The following LVRN variants were observed in gnomAD, a reference collection of about 807,000 sequenced individuals.
LVRN encodes the protein aminopeptidase Q.
LVRN carries 99 observed loss-of-function variants against 111.4 expected under a neutral mutation model. The ratio of observed to expected loss-of-function variants is 0.89; its 90% CI spans 0.76 to 1.05. The LOEUF is 1.05. Among genes scored for constraint, LVRN ranks in the 50% least tolerant of loss-of-function variants. LVRN has a pLI of 0.00. For missense variants in LVRN, 1,414 were observed against 1,206.8 expected (o/e 1.17, Z -2.54); for synonymous variants, 488 against 449.5 (o/e 1.09, Z -1.08).
chr5:116,003,154 T>C (rs971873299), intron 11 of LVRN, 87 bp from the exon 12 acceptor site: 2 of 1,253,676 alleles, frequency 1.6e-6, no homozygotes, highest in African/African-American at 1.5e-5. Context: ...TGTTGGTTTA[T>C]TGTTTAGAAT....
intron 6 of LVRN, among the ~76,000 whole-genome samples, chr5:115,994,998 C>T (rs1349682614): frequency 6.6e-6 from 1 of 152,160 alleles, no homozygotes; most frequent in Non-Finnish European, 1.5e-5. Flanking sequence ...GTCCCCGTCT[C>T]ATCTCAGCTC....
chr5:116,016,276 A>G (rs1271852378), intron 18 of LVRN, among the ~76,000 whole-genome samples: 4 of 152,240 alleles, frequency 2.6e-5, no homozygotes, highest in Non-Finnish European at 5.9e-5. Context: ...AGTCAAAATG[A>G]CACAGGAATA....
chr5:115,992,305 C>A, intron 5 of LVRN, 28 bp downstream of exon 5: 1 of 1,612,464 alleles, frequency 6.2e-7, no homozygotes, highest in South Asian at 1.1e-5. Flanking sequence ...CTTTTTATTT[C>A]ACTTGAAGTT....
At chr5:116,014,775 A>G (rs1371632821) in intron 16 of LVRN, among the ~76,000 whole-genome samples, 1 of 152,140 alleles carries the variant, frequency 6.6e-6, no homozygotes, top group Non-Finnish European at 1.5e-5. Context: ...CTCTTCCAAT[A>G]AGCACTTACT....
chr5:115,987,936 A>C lies in LVRN; in HGVS notation c.1102A>C (p.Thr368Pro). The part of the protein sequence containing the change: ...LFNISYSLPK[T>P]DIIALPSFDN... ...TAATATCAGTTACTCTCTTCCAAAAACAGGTGAGGTAATCTTTTCCTTTCA... is the reference window on the plus strand; with the variant it reads ...TAATATCAGTTACTCTCTTCCAAAACCAGGTGAGGTAATCTTTTCCTTTCA... The change falls in exon 4 of 20, where the codon ACA (threonine) becomes CCA (proline). Residue 368 changes from threonine (T) to proline (P), a missense_variant. Coordinates refer to ENST00000357872, the MANE Select transcript of LVRN (RefSeq NM_173800.5). 1.2e-6 allele frequency: 2 copies of C among 1,609,236 alleles called. No individual in the cohort carries two copies. Among genetic ancestry groups the C allele is most frequent in the Non-Finnish European group, 1.7e-6 (2 of 1,178,498 alleles).
In LVRN at chr5:115,987,915, A is replaced by G. The variant is rs1332745305; in HGVS notation, c.1081A>G (p.Ile361Val). The G allele has an allele frequency of 6.2e-7, 1 of 1,612,742 alleles. No individual in the cohort carries two copies. The highest frequency in any genetic ancestry group is 1.1e-5 in the South Asian group (1 of 90,894). The change falls in exon 4 of 20, where the codon ATC becomes GTC. Residue 361 changes from isoleucine (I) to valine (V), a missense_variant. Physicochemically the swap from Ile to Val is conservative, Grantham distance 29 (BLOSUM62 3). Coordinates refer to ENST00000357872, the MANE Select transcript of LVRN (RefSeq NM_173800.5). Reference sequence around the variant, plus strand: ...CTCTTTTCTGGAGGATTTGTTTAATATCAGTTACTCTCTTCCAAAAACAGG... The same window carrying G: ...CTCTTTTCTGGAGGATTTGTTTAATGTCAGTTACTCTCTTCCAAAAACAGG... ...IFSFLEDLFN[I>V]SYSLPKTDII...
chr5:115,984,717 A>G lies in LVRN; in HGVS notation c.978+8A>G, dbSNP rs1461492403. 6.8e-6 allele frequency: 11 copies of G among 1,613,326 alleles called. No individual in the cohort carries two copies. Among genetic ancestry groups the G allele is most frequent in the Non-Finnish European group, 9.3e-6 (11 of 1,179,600 alleles). On this transcript the variant is annotated splice_region_variant and intron_variant, in intron 3 of 19. Transcript: ENST00000357872. ...ACAGAAAGGGGCAAGGAGGTGAGTG[A>G]GGAAGATTCTGTAGGTAAGGGAGAT...
intron 1 of LVRN, among the ~76,000 whole-genome samples, chr5:115,967,481 T>C (rs10050703): frequency 0.13 from 19,985 of 152,244 alleles, 1,730 homozygotes; most frequent in African/African-American, 0.25. Flanking sequence ...TCCATCAACA[T>C]AGGTGTTGAT....
intron 13 of LVRN, 127 bp from the exon 14 acceptor site, chr5:116,010,614 C>A: frequency 1.0e-6 from 1 of 985,636 alleles, no homozygotes; most frequent in Non-Finnish European, 1.6e-6. Context: ...CATTTACCTT[C>A]TCGTTTCTTG....
intron 1 of LVRN, among the ~76,000 whole-genome samples, chr5:115,979,128 TG>T (rs1156735651): frequency 6.6e-6 from 1 of 152,112 alleles, no homozygotes; most frequent in Non-Finnish European, 1.5e-5. Context: ...TCACTTTGTA[TG>T]GTAGGGGACA....
intron 5 of LVRN, among the ~76,000 whole-genome samples, chr5:115,993,138 G>C (rs546246287): frequency 6.6e-6 from 1 of 151,316 alleles, no homozygotes; most frequent in Non-Finnish European, 1.5e-5. Flanking sequence ...CAGGGCTTGC[G>C]TTTGTTAGTT....
chr5:115,999,979 A>G, intron 7 of LVRN, 77 bp downstream of exon 7: 1 of 1,430,908 alleles, frequency 7.0e-7, no homozygotes, highest in Non-Finnish European at 9.5e-7. Flanking sequence ...AGGGTCCTAT[A>G]TCATCATACA....
chr5:116,015,006 A>G (rs1372427543), intron 16 of LVRN, among the ~76,000 whole-genome samples: 2 of 152,124 alleles, frequency 1.3e-5, no homozygotes, highest in Non-Finnish European at 2.9e-5. Flanking sequence ...ACCAACTTGT[A>G]TTATCAATAT....
intron 3 of LVRN, among the ~76,000 whole-genome samples, chr5:115,985,848 T>C (rs1028228163): frequency 1.3e-5 from 2 of 152,222 alleles, no homozygotes; most frequent in Non-Finnish European, 2.9e-5. Flanking sequence ...GGCCCAGTTC[T>C]TTCTAGACAC....
intron 1 of LVRN, among the ~76,000 whole-genome samples, chr5:115,979,769 T>C (rs1753523434): frequency 1.3e-5 from 2 of 152,198 alleles, no homozygotes; most frequent in Non-Finnish European, 2.9e-5. Flanking sequence ...TGTGTTATTG[T>C]GTAAAAAAAC....
At chr5:115,964,683 C>T (rs1753165757) in intron 1 of LVRN, among the ~76,000 whole-genome samples, 1 of 151,970 alleles carries the variant, frequency 6.6e-6, no homozygotes, top group African/African-American at 2.4e-5. Context: ...GGGGCTGTGG[C>T]CCAGTCAAGC....
intron 13 of LVRN, among the ~76,000 whole-genome samples, chr5:116,009,008 A>G (rs955625119): frequency 2.0e-5 from 3 of 152,232 alleles, no homozygotes; most frequent in Non-Finnish European, 2.9e-5. Flanking sequence ...ATAGCTAGAG[A>G]GGACAAGTCA....
chr5:115,962,789 T>C lies in LVRN; in HGVS notation c.172T>C (p.Ser58Pro), dbSNP rs762068293. 2.2e-5 allele frequency: 36 copies of C among 1,608,684 alleles called. No homozygotes were observed. Among genetic ancestry groups the C allele is most frequent in the African/African-American group, 2.2e-4 (16 of 73,904 alleles). ...TGGACTCAGGGACTTGGAAGCCGAG[T>C]CTTCCCCTCCCCTCAGGCAGAAGCC... ...LPGLRDLEAE[S>P]SPPLRQKPTP... The change falls in exon 1 of 20, where the codon TCT becomes CCT. Residue 58 changes from serine (S) to proline (P), a missense_variant. By Grantham distance (74) the Ser-to-Pro change is moderately conservative. Transcript: ENST00000357872.
At chr5:115,976,534 T>G (rs927153301) in intron 1 of LVRN, among the ~76,000 whole-genome samples, 1 of 152,190 alleles carries the variant, frequency 6.6e-6, no homozygotes. Context: ...AACTTATTAC[T>G]TTAAGACCCT....
Sources: allele counts gnomAD v4.1 joint callset (sites outside exome capture counted in the v4.1 genomes callset), GRCh38; gene constraint gnomAD v4.1.1; transcripts MANE v1.5; gene names NCBI Gene and HGNC (gene_info 2026-07-23, HGNC 2026-07-21).